Variants in MINDY2 observed in about 807,000 individuals in gnomAD.
MINDY2 encodes ubiquitin carboxyl-terminal hydrolase MINDY-2.
MINDY2 carries 52 observed loss-of-function variants against 68.2 expected under a neutral mutation model. The observed-to-expected ratio is 0.76, with a 90% confidence interval of 0.61 to 0.96. The LOEUF (loss-of-function observed/expected upper bound fraction) is 0.96. Among genes scored for constraint, MINDY2 ranks in the 40% least tolerant of loss-of-function variants. MINDY2 has a pLI of 0.00. For missense variants in MINDY2, 881 were observed against 773.4 expected, an observed-to-expected ratio of 1.14 and a Z score of -1.65; for synonymous variants, 372 against 303.0, an observed-to-expected ratio of 1.23 and a Z score of -2.36.
intron 6 of MINDY2, among the ~76,000 whole-genome samples, chr15:58,835,979 G>A (rs1015267700): frequency 6.6e-6 from 1 of 151,732 alleles, no homozygotes; most frequent in Non-Finnish European, 1.5e-5. Flanking sequence ...GCACAATCTC[G>A]GCTCGCTGCA....
At chr15:58,842,908 C>G (rs1323116676) in intron 6 of MINDY2, among the ~76,000 whole-genome samples, 1 of 152,094 alleles carries the variant, frequency 6.6e-6, no homozygotes, top group Non-Finnish European at 1.5e-5. Flanking sequence ...AGTCCACTTT[C>G]AACTTGACTT....
chr15:58,826,424 T>A (rs539089919), intron 5 of MINDY2, among the ~76,000 whole-genome samples: 16 of 152,174 alleles, frequency 1.1e-4, no homozygotes, highest in African/African-American at 3.9e-4. Flanking sequence ...AGATGGGGTT[T>A]CTCTGTGTTG....
intron 2 of MINDY2, among the ~76,000 whole-genome samples, chr15:58,799,738 G>A (rs1214708116): frequency 1.3e-5 from 2 of 152,196 alleles, no homozygotes. Context: ...TCTGTCACTA[G>A]AATATGAGAG....
intron 8 of MINDY2, among the ~76,000 whole-genome samples, chr15:58,852,287 C>CAAAAA (rs60365490): frequency 4.8e-5 from 3 of 61,932 alleles, no homozygotes; most frequent in African/African-American, 6.0e-5. Context: ...GACTCCTTCT[C>CAAAAA]AAAAAAAAAA....
intron 2 of MINDY2, among the ~76,000 whole-genome samples, chr15:58,801,796 T>C (rs532805177): frequency 6.6e-6 from 1 of 152,184 alleles, no homozygotes; most frequent in East Asian, 1.9e-4. Flanking sequence ...CCCGCCACCA[T>C]GCCCGGCTAA....
At chr15:58,775,488 C>A (rs7170538) in intron 1 of MINDY2, among the ~76,000 whole-genome samples, 30,536 of 152,052 alleles carry the variant, frequency 0.2, 3,571 homozygotes, top group East Asian at 0.52. Flanking sequence ...AGAAAGTGGT[C>A]TTTTACTTTG....
intron 2 of MINDY2, among the ~76,000 whole-genome samples, chr15:58,799,614 T>C (rs982217989): frequency 2.2e-4 from 33 of 150,890 alleles, no homozygotes; most frequent in Non-Finnish European, 3.8e-4. Flanking sequence ...AGTAGAGGGA[T>C]TGTAAGAGAA....
intron 1 of MINDY2, among the ~76,000 whole-genome samples, chr15:58,785,467 A>T (rs1901433794): frequency 6.6e-6 from 1 of 152,206 alleles, no homozygotes. Flanking sequence ...TCTGCTGCAC[A>T]AATTCATCTC....
At chr15:58,837,644 A>C (rs1370573692) in intron 6 of MINDY2, among the ~76,000 whole-genome samples, 1 of 152,010 alleles carries the variant, frequency 6.6e-6, no homozygotes, top group East Asian at 1.9e-4. Flanking sequence ...TTCACTTTTG[A>C]GAAACCCTGA....
In MINDY2 at chr15:58,800,768, G is replaced by A. The variant is rs1239873565; in HGVS notation, c.899-1545G>A. ...AGGATCACCTGAGTCTAGGGAGGTT[G>A]AGGTTGCAGCAAGTCGTGATCACGC... On this transcript the variant is annotated intron_variant, in intron 2 of 8. Coordinates refer to ENST00000559228, the MANE Select transcript of MINDY2 (RefSeq NM_001040450.3). 3.5e-5 allele frequency among the ~76,000 whole-genome samples: 5 copies of A among 144,810 alleles called. No individual in the cohort carries two copies. In the Admixed American group the frequency reaches 3.5e-4, roughly 10 times the overall value.
chr15:58,851,819 A>T lies in MINDY2; in HGVS notation c.1591A>T (p.Ile531Phe), dbSNP rs199705219. 64 of 1,610,016 alleles carry T rather than the reference A, an allele frequency of 4.0e-5. No individual in the cohort carries two copies. Among genetic ancestry groups the T allele is most frequent in the Middle Eastern group, 1.7e-4 (1 of 6,060 alleles). ...ACAACAAGAACAGCAGAGCCAAGAG[A>T]TCAATTGGGAACAAATCCCGGAAGG... ...SLQQEQQSQE[I>F]NWEQIPEGIS... The change falls in exon 8 of 9, where the codon ATC becomes TTC. Residue 531 changes from isoleucine to phenylalanine, a missense_variant. Coordinates refer to ENST00000559228, the MANE Select transcript of MINDY2 (RefSeq NM_001040450.3).
At chr15:58,809,744 T>C (rs1048085611) in intron 3 of MINDY2, among the ~76,000 whole-genome samples, 6 of 152,216 alleles carry the variant, frequency 3.9e-5, no homozygotes, top group Non-Finnish European at 8.8e-5. Context: ...TCTCTCCCAA[T>C]AGAATGTTAG....
chr15:58,840,080 C>T (rs999151626), intron 6 of MINDY2, among the ~76,000 whole-genome samples: 2 of 152,126 alleles, frequency 1.3e-5, no homozygotes, highest in East Asian at 1.9e-4. Context: ...GCAGTCTGCC[C>T]GCCTCTGCCT....
chr15:58,844,164 C>G (rs1418826232), intron 6 of MINDY2, among the ~76,000 whole-genome samples: 1 of 152,164 alleles, frequency 6.6e-6, no homozygotes, highest in Non-Finnish European at 1.5e-5. Flanking sequence ...ACCATAGACT[C>G]TCAGGATCAG....
chr15:58,851,205 C>A (rs1288167880), intron 7 of MINDY2, among the ~76,000 whole-genome samples: 1 of 151,922 alleles, frequency 6.6e-6, no homozygotes, highest in African/African-American at 2.4e-5. Context: ...AACTCCTGGG[C>A]TCAAGCGATC....
intron 6 of MINDY2, among the ~76,000 whole-genome samples, chr15:58,846,364 C>T (rs1199439473): frequency 6.6e-6 from 1 of 151,944 alleles, no homozygotes; most frequent in Non-Finnish European, 1.5e-5. Context: ...GAGGCTGAGG[C>T]GGGTGGATCA....
Position 58,771,955 on chromosome 15 carries a change from G to T in MINDY2, c.560G>T (p.Ser187Ile), listed in dbSNP as rs1464575541. ...ESFSNLHSFP[S>I]SCEFNSEEGA... The stretch of plus-strand genomic sequence containing the variant: ...TTCTCTAACCTGCATTCTTTTCCCA[G>T]TAGCTGCGAGTTCAATAGTGAGGAG... Residue 187 changes from serine (S) to isoleucine (I), a missense_variant, in exon 1 of 9, where the codon AGT (serine) becomes ATT (isoleucine). Coordinates refer to ENST00000559228, the MANE Select transcript of MINDY2 (RefSeq NM_001040450.3). 1.3e-6 allele frequency: 2 copies of T among 1,560,292 alleles called. No homozygotes were observed. Among genetic ancestry groups the T allele is most frequent in the South Asian group, 2.5e-5 (2 of 81,502 alleles).
At chr15:58,836,199 C>T (rs1214078708) in intron 6 of MINDY2, among the ~76,000 whole-genome samples, 4 of 151,894 alleles carry the variant, frequency 2.6e-5, no homozygotes, top group Non-Finnish European at 5.9e-5. Context: ...CGTGAGCGAC[C>T]GCACCCGGCC....
Position 58,810,332 on chromosome 15 carries a change from A to G in MINDY2, c.1066A>G (p.Ile356Val), listed in dbSNP as rs1567055492. 1.2e-6 allele frequency: 2 copies of G among 1,613,650 alleles called. No homozygotes were observed. Among genetic ancestry groups the G allele is most frequent in the Non-Finnish European group, 1.7e-6 (2 of 1,179,854 alleles). Residue 356 changes from isoleucine (I) to valine (V), a missense_variant, in exon 4 of 9, where the codon ATA (isoleucine) becomes GTA (valine). Physicochemically the swap from Ile to Val is conservative, Grantham distance 29. Transcript: ENST00000559228. ...AGTGTTTGAATATACACCAGAATGCATAGTATTTGATCTTCTTGATATTCC... is the reference window on the plus strand; with the variant it reads ...AGTGTTTGAATATACACCAGAATGCGTAGTATTTGATCTTCTTGATATTCC... ...VRVFEYTPEC[I>V]VFDLLDIPLY...
Sources: gnomAD v4.1 joint callset for allele counts (sites outside exome capture counted in the v4.1 genomes callset) on GRCh38, gnomAD v4.1.1 for gene constraint, MANE v1.5 for transcripts, NCBI Gene and HGNC (gene_info 2026-07-23, HGNC 2026-07-21) for gene names.